MAP3K1: variants seen among roughly 807,000 people sequenced by gnomAD.
MAP3K1 encodes the protein mitogen-activated protein kinase kinase kinase 1.
A neutral mutation model predicts 144.2 loss-of-function variants in MAP3K1; 36 were observed. The observed-to-expected ratio is 0.25, with a 90% CI of 0.19 to 0.33. The LOEUF (loss-of-function observed/expected upper bound fraction) is 0.33, where lower values mean the gene tolerates loss of function less well. Among genes scored for constraint, MAP3K1 ranks in the 10% least tolerant of loss-of-function variants. The pLI is 1.00. For missense variants in MAP3K1, 1,650 were observed against 1,881.9 expected, an observed-to-expected ratio of 0.88 and a Z score of 2.28; for synonymous variants, 718 against 688.7, an observed-to-expected ratio of 1.04 and a Z score of -0.67.
rs1341829246 is a variant in MAP3K1, at chr5:56,895,536, A to G, written c.*1856A>G. Reference sequence around the variant, plus strand: ...AAATGTAAACTGTATAAACTGAGGAACCTCAGCTAATCAGTATTACTTTGT... The same window carrying G: ...AAATGTAAACTGTATAAACTGAGGAGCCTCAGCTAATCAGTATTACTTTGT... On this transcript the variant is annotated 3_prime_UTR_variant, in exon 20 of 20. Transcript: ENST00000399503. The G allele has an allele frequency of 4.3e-6, 1 of 231,878 alleles. No individual in the cohort carries two copies. The allele number at this position is 231,878 out of a possible 1,614,324, so 14.4% of individuals were successfully genotyped here.
At chr5:56,823,350 A>T (rs1746212554) in intron 1 of MAP3K1, among the ~76,000 whole-genome samples, 1 of 152,094 alleles carries the variant, frequency 6.6e-6, no homozygotes, top group Non-Finnish European at 1.5e-5. Flanking sequence ...CTGTTTTTCC[A>T]TAAAGTCAGC....
rs771691401 is a variant in MAP3K1, at chr5:56,882,123, C to T, written c.2923C>T (p.His975Tyr). 6.2e-7 allele frequency: 1 copy of T among 1,613,990 alleles called. No homozygotes were observed. The highest frequency in any genetic ancestry group is 1.7e-5 in the Admixed American group (1 of 59,962). Residue 975 changes from histidine to tyrosine, a missense_variant, in exon 14 of 20, where the codon CAT becomes TAT. Around this residue, in one of 6 missense-constraint regions of MAP3K1, gnomAD observed 841 missense variants for 886.5 expected, o/e 0.95. Transcript: ENST00000399503. ...QCLNSSPLSH[H>Y]SQLMFPALST... Reference sequence around the variant, plus strand: ...TTTGAACTCCTCTCCTTTATCTCATCATTCCCAATTAATGTTTCCAGCCTT... The same window carrying T: ...TTTGAACTCCTCTCCTTTATCTCATTATTCCCAATTAATGTTTCCAGCCTT...
rs749955692 is a variant in MAP3K1 at position 56,864,892 on chromosome 5, A to C, written c.993A>C (p.Gly331=). 1.2e-6 allele frequency: 2 copies of C among 1,613,940 alleles called. No individual in the cohort carries two copies. Among genetic ancestry groups the C allele is most frequent in the African/African-American group, 2.7e-5 (2 of 74,884 alleles). The change falls in exon 4 of 20, where the codon GGA becomes GGC. Residue 331 remains glycine, a synonymous_variant. Transcript: ENST00000399503. ...QIGPNSFLIG[G]DSPDNKYRVF... ...GGCCTAACTCTTTCCTGATTGGAGG[A>C]GACAGCCCAGACAATAAATACCGGG...
intron 16 of MAP3K1, 97 bp from the exon 17 acceptor site, chr5:56,885,835 A>G (rs1367359470): frequency 1.1e-5 from 10 of 950,866 alleles, no homozygotes; most frequent in Admixed American, 7.3e-5. Flanking sequence ...TCAGATGTGA[A>G]TGTGAGTTCA....
At chr5:56,833,269 C>T (rs1410210192) in intron 1 of MAP3K1, among the ~76,000 whole-genome samples, 3 of 152,202 alleles carry the variant, frequency 2.0e-5, no homozygotes, top group African/African-American at 4.8e-5. Flanking sequence ...AGGGAAGAGA[C>T]GCGGCTTCAG....
At position 56,890,227 on chromosome 5, in the gene MAP3K1, T is replaced by C. The variant is rs963462121; in HGVS notation, c.4389+1870T>C. On this transcript the variant is annotated intron_variant, in intron 19 of 19. Transcript: ENST00000399503. ...ACAGAAGTTGCTCAATAAATACTCA[T>C]GGCTAGGATCAATTTGAAAGTTTGA... is the stretch of plus-strand genomic sequence containing the variant. 2.6e-5 allele frequency among the ~76,000 whole-genome samples: 4 copies of C among 152,220 alleles called. No homozygotes were observed. In the East Asian group the frequency reaches 7.7e-4, roughly 29 times the overall value.
intron 1 of MAP3K1, among the ~76,000 whole-genome samples, chr5:56,835,955 T>C (rs1288536630): frequency 6.6e-6 from 1 of 152,162 alleles, no homozygotes; most frequent in Non-Finnish European, 1.5e-5. Context: ...TTGTAGCTTG[T>C]GGTATAACAA....
intron 6 of MAP3K1, among the ~76,000 whole-genome samples, chr5:56,868,940 A>G (rs956068166): frequency 2.3e-4 from 35 of 152,166 alleles, no homozygotes; most frequent in African/African-American, 8.2e-4. Context: ...TTCTAAGCAA[A>G]ATAAGCCAGT....
intron 1 of MAP3K1, among the ~76,000 whole-genome samples, chr5:56,854,544 A>G (rs149209605): frequency 1.4e-4 from 22 of 152,320 alleles, no homozygotes; most frequent in Non-Finnish European, 3.1e-4. Context: ...GTAAAAGTTC[A>G]GCTACTAGAA....
At chr5:56,888,870 TGAA>T (rs1316432965) in intron 19 of MAP3K1, among the ~76,000 whole-genome samples, 1 of 152,238 alleles carries the variant, frequency 6.6e-6, no homozygotes, top group Non-Finnish European at 1.5e-5. Flanking sequence ...CAGCGTAAGT[TGAA>T]GAGCATCTGT....
chr5:56,821,003 G>A (rs1441337918), intron 1 of MAP3K1, among the ~76,000 whole-genome samples: 2 of 152,090 alleles, frequency 1.3e-5, no homozygotes, highest in African/African-American at 4.8e-5. Flanking sequence ...AGGAGATACG[G>A]GGAGCAAGAA....
At chr5:56,846,892 A>T (rs372033294) in intron 1 of MAP3K1, among the ~76,000 whole-genome samples, 1 of 152,244 alleles carries the variant, frequency 6.6e-6, no homozygotes, top group Non-Finnish European at 1.5e-5. Context: ...TGAACAGAAC[A>T]TCTCAATTCT....
intron 1 of MAP3K1, among the ~76,000 whole-genome samples, chr5:56,845,351 T>C (rs1746956616): frequency 1.3e-5 from 2 of 152,306 alleles, no homozygotes; most frequent in African/African-American, 2.4e-5. Flanking sequence ...CATGTAACAC[T>C]GACTTGGGAT....
At chr5:56,824,847 G>A (rs954945988) in intron 1 of MAP3K1, among the ~76,000 whole-genome samples, 2 of 151,832 alleles carry the variant, frequency 1.3e-5, no homozygotes, top group East Asian at 3.9e-4. Flanking sequence ...TGTTATTGTT[G>A]ACCTGAGTCA....
At chr5:56,817,585 A>T (rs1011328908) in intron 1 of MAP3K1, among the ~76,000 whole-genome samples, 1 of 152,258 alleles carries the variant, frequency 6.6e-6, no homozygotes, top group African/African-American at 2.4e-5. Flanking sequence ...GCACTTGTAC[A>T]TGTAATTTAT....
chr5:56,882,558 T>C lies in MAP3K1; in HGVS notation c.3358T>C (p.Cys1120Arg). ...ETVFTPVEEKCRLDVNTELNS... is the reference protein window; with the variant it reads ...ETVFTPVEEKRRLDVNTELNS... ...AGTGTTCACCCCAGTAGAGGAGAAA[T>C]GCAGATTAGATGTCAATACAGAGCT... Residue 1120 changes from cysteine to arginine, a missense_variant, in exon 14 of 20, where the codon TGC (cysteine) becomes CGC (arginine). Coordinates refer to ENST00000399503, the MANE Select transcript of MAP3K1 (RefSeq NM_005921.2). 1 of 1,614,150 alleles carries C rather than the reference T, an allele frequency of 6.2e-7. No individual in the cohort carries two copies. Among genetic ancestry groups the C allele is most frequent in the Non-Finnish European group, 8.5e-7 (1 of 1,180,016 alleles).
chr5:56,833,275 T>G (rs1399557573), intron 1 of MAP3K1, among the ~76,000 whole-genome samples: 1 of 152,258 alleles, frequency 6.6e-6, no homozygotes, highest in Non-Finnish European at 1.5e-5. Flanking sequence ...GAGACGCGGC[T>G]TCAGGGAAAA....
Position 56,829,349 on chromosome 5 carries a change from ATTT to A in MAP3K1, c.482+13311_482+13313del, listed in dbSNP as rs70999027. Among the ~76,000 whole-genome samples the A allele has an allele frequency of 6.1e-5, 8 of 130,328 alleles. No homozygotes were observed. In the East Asian group the frequency reaches 1.7e-3, roughly 28 times the overall value. The allele number at this position is 130,328 out of a possible 152,430, so 85.5% of individuals were successfully genotyped here. On this transcript the variant is annotated intron_variant, in intron 1 of 19. Transcript: ENST00000399503. ...AGGTGCATGCCACTGTGCCCGGCAA[ATTT>A]TTTTTTTTTTTTTTTTGTAGTGACA...
At chr5:56,883,758 T>G (rs1030337903) in intron 15 of MAP3K1, 79 bp downstream of exon 15, 1 of 1,390,874 alleles carries the variant, frequency 7.2e-7, no homozygotes, top group African/African-American at 1.4e-5. Flanking sequence ...ATAAAGGATA[T>G]GTCCACGTGT....
Sources: allele counts gnomAD v4.1 joint callset (sites outside exome capture counted in the v4.1 genomes callset), GRCh38; gene constraint gnomAD v4.1.1; regional missense constraint gnomAD v4.1.1; transcripts MANE v1.5; gene names NCBI Gene and HGNC (gene_info 2026-07-23, HGNC 2026-07-21).